CTNNA3: variants seen among roughly 807,000 people sequenced by gnomAD.
CTNNA3 encodes catenin alpha 3.
Under a neutral mutation model 95.7 loss-of-function variants are expected in CTNNA3, and 76 were observed. That is an observed-to-expected ratio of 0.79 (90% CI 0.66 to 0.96). The LOEUF is 0.96. Among genes scored for constraint, CTNNA3 ranks in the 40% least tolerant of loss-of-function variants. CTNNA3 has a pLI of 0.00. For missense variants in CTNNA3, 1,191 were observed against 1,089.8 expected, an observed-to-expected ratio of 1.09 and a Z score of -1.31; for synonymous variants, 431 against 374.4, an observed-to-expected ratio of 1.15 and a Z score of -1.74.
rs528011066 is a variant in CTNNA3, at chr10:66,963,993, T to A, written c.1048-188469A>T. On this transcript the variant is annotated intron_variant, in intron 7 of 17. Transcript: ENST00000433211. The stretch of plus-strand genomic sequence containing the variant: ...TCCCGAGTGGCTGGGTTTACAGGCA[T>A]GCACCACCATGCCCAGCTAATTTTC... 5.0e-4 allele frequency among the ~76,000 whole-genome samples: 76 copies of A among 152,090 alleles called. 1 individual carries two copies. The South Asian group carries it at 7.5e-3, about 15-fold the overall frequency.
In CTNNA3 at chr10:67,101,300, C is replaced by G. The variant is rs552486865; in HGVS notation, c.1047+79017G>C. Among the ~76,000 whole-genome samples the G allele has an allele frequency of 4.0e-5, 6 of 151,716 alleles. No homozygotes were observed. The South Asian group carries it at 8.3e-4, about 21-fold the overall frequency. ...GAGATCCATAGTACAGGGTTGAACACATGTTCAACACTTTGTCAACTGAAC... is the reference window on the plus strand; with the variant it reads ...GAGATCCATAGTACAGGGTTGAACAGATGTTCAACACTTTGTCAACTGAAC... On this transcript the variant is annotated intron_variant, in intron 7 of 17. Coordinates refer to ENST00000433211, the MANE Select transcript of CTNNA3 (RefSeq NM_013266.4).
At chr10:66,788,111 A>G (rs1006070882) in intron 7 of CTNNA3, among the ~76,000 whole-genome samples, 3 of 152,206 alleles carry the variant, frequency 2.0e-5, no homozygotes, top group Non-Finnish European at 2.9e-5. Context: ...AAAACTCAGT[A>G]AATTTCACTT....
rs142480534 is a variant in CTNNA3, at chr10:67,165,866, T to A, written c.1047+14451A>T. Among the ~76,000 whole-genome samples, 11 of 152,042 alleles carry A rather than the reference T, an allele frequency of 7.2e-5. No homozygotes were observed. In the East Asian group the frequency reaches 2.1e-3, roughly 29 times the overall value. On this transcript the variant is annotated intron_variant, in intron 7 of 17. Transcript: ENST00000433211. Reference sequence around the variant, plus strand: ...TGAACAGTCAATACTTCTAAAGGAGTTGTCAAATTAGAAAGAGCTTGTTTC... The same window carrying A: ...TGAACAGTCAATACTTCTAAAGGAGATGTCAAATTAGAAAGAGCTTGTTTC...
intron 11 of CTNNA3, among the ~76,000 whole-genome samples, chr10:66,482,030 T>G (rs77466140): frequency 0.01 from 1,531 of 152,192 alleles, 25 homozygotes; most frequent in African/African-American, 0.035. Flanking sequence ...AGGTCTAAAT[T>G]TATGTGTATG....
intron 15 of CTNNA3, among the ~76,000 whole-genome samples, chr10:66,021,943 T>G (rs1037673298): frequency 6.8e-6 from 1 of 147,568 alleles, no homozygotes; most frequent in East Asian, 2.2e-4. Context: ...AGCCTTGACT[T>G]CCCAGGCTCA....
intron 15 of CTNNA3, among the ~76,000 whole-genome samples, chr10:66,038,643 C>A (rs552660423): frequency 1.3e-5 from 2 of 152,212 alleles, no homozygotes; most frequent in South Asian, 2.1e-4. Flanking sequence ...TGTGTGAGAG[C>A]TTTCAAAATT....
intron 7 of CTNNA3, among the ~76,000 whole-genome samples, chr10:67,133,801 T>C (rs1860156805): frequency 6.6e-6 from 1 of 152,078 alleles, no homozygotes; most frequent in African/African-American, 2.4e-5. Context: ...TTTTTGAGCA[T>C]CTGTAGGCAT....
intron 13 of CTNNA3, among the ~76,000 whole-genome samples, chr10:66,198,373 T>A (rs1191823492): frequency 6.6e-6 from 1 of 152,176 alleles, no homozygotes; most frequent in Non-Finnish European, 1.5e-5. Context: ...AATTCTTTCA[T>A]GGAAGATTAA....
chr10:66,772,465 G>A (rs538685099), intron 8 of CTNNA3, among the ~76,000 whole-genome samples: 178 of 150,024 alleles, frequency 1.2e-3, no homozygotes, highest in Non-Finnish European at 2.0e-3. Flanking sequence ...AAAGAAAACA[G>A]GTTAATGTGT....
At chr10:67,091,596 C>G (rs1220860720) in intron 7 of CTNNA3, among the ~76,000 whole-genome samples, 1 of 151,782 alleles carries the variant, frequency 6.6e-6, no homozygotes, top group Non-Finnish European at 1.5e-5. Flanking sequence ...TTTATAAATG[C>G]CCAGTTTTAT....
chr10:67,630,653 T>C (rs1213260297), intron 2 of CTNNA3, among the ~76,000 whole-genome samples: 2 of 151,628 alleles, frequency 1.3e-5, no homozygotes, highest in Non-Finnish European at 2.9e-5. Context: ...ACTATGGAGG[T>C]AGAAATGAAA....
At chr10:66,726,534 G>A (rs569113730) in intron 9 of CTNNA3, among the ~76,000 whole-genome samples, 1 of 152,146 alleles carries the variant, frequency 6.6e-6, no homozygotes, top group Non-Finnish European at 1.5e-5. Flanking sequence ...AACATCACTT[G>A]GAGTGGTATT....
At chr10:66,779,258 C>G (rs1840433735) in intron 7 of CTNNA3, among the ~76,000 whole-genome samples, 1 of 152,156 alleles carries the variant, frequency 6.6e-6, no homozygotes, top group Non-Finnish European at 1.5e-5. Flanking sequence ...GATTACAACT[C>G]AAGAACTCTG....
chr10:66,732,532 G>A (rs1410763060), intron 9 of CTNNA3, among the ~76,000 whole-genome samples: 1 of 152,100 alleles, frequency 6.6e-6, no homozygotes, highest in Admixed American at 6.6e-5. Flanking sequence ...GATGGTGGAA[G>A]GAGAAGCAAA....
intron 5 of CTNNA3, among the ~76,000 whole-genome samples, chr10:67,447,754 T>C (rs545667603): frequency 5.3e-5 from 8 of 152,238 alleles, no homozygotes; most frequent in Admixed American, 4.6e-4. Flanking sequence ...TGTGTATGTG[T>C]TTGTTTACCT....
chr10:67,594,260 C>T (rs1842869491), intron 3 of CTNNA3, among the ~76,000 whole-genome samples: 1 of 152,154 alleles, frequency 6.6e-6, no homozygotes, highest in Non-Finnish European at 1.5e-5. Flanking sequence ...CAGAGTGTTG[C>T]TGACCTCGTA....
chr10:67,432,702 T>C (rs1846151389), intron 5 of CTNNA3, among the ~76,000 whole-genome samples: 1 of 152,048 alleles, frequency 6.6e-6, no homozygotes, highest in Admixed American at 6.6e-5. Flanking sequence ...CCTTATAATG[T>C]GATCACATCA....
intron 17 of CTNNA3, among the ~76,000 whole-genome samples, chr10:65,962,899 TG>T (rs1214268969): frequency 6.6e-6 from 1 of 152,190 alleles, no homozygotes; most frequent in Non-Finnish European, 1.5e-5. Context: ...TCCTTTTATG[TG>T]GCTGCATAGT....
At chr10:67,052,530 G>T (rs3818444) in intron 7 of CTNNA3, 53,801 of 152,112 alleles carry the variant, frequency 0.35, 11,195 homozygotes, top group East Asian at 0.51. Flanking sequence ...TGGTGATCAA[G>T]AAAGACAGCA....
Sources: gnomAD v4.1 joint callset for allele counts (sites outside exome capture counted in the v4.1 genomes callset) on GRCh38, gnomAD v4.1.1 for gene constraint, MANE v1.5 for transcripts, NCBI Gene and HGNC (gene_info 2026-07-23, HGNC 2026-07-21) for gene names.